Variants in ZNF521 observed in about 807,000 individuals in gnomAD.
ZNF521 encodes LYST-interacting protein 3.
A neutral mutation model predicts 105.5 loss-of-function variants in ZNF521; 14 were observed. That is an observed-to-expected ratio of 0.13 (90% confidence interval 0.09 to 0.21). The LOEUF (loss-of-function observed/expected upper bound fraction) is 0.21. Ranked by LOEUF, ZNF521 falls within the 10% of genes least tolerant of loss-of-function variation. The probability of loss-of-function intolerance (pLI) is 1.00; values close to 1 mark genes in which losing one functional copy is unlikely to be tolerated. For missense variants in ZNF521, 1,233 were observed against 1,629.7 expected (o/e 0.76, Z 4.19); for synonymous variants, 635 against 606.0 (o/e 1.05, Z -0.70).
At chr18:25,296,863 G>A (rs1911346431) in intron 3 of ZNF521, among the ~76,000 whole-genome samples, 1 of 152,032 alleles carries the variant, frequency 6.6e-6, no homozygotes, top group Admixed American at 6.6e-5. Flanking sequence ...TAAGAAACAG[G>A]AAACTTTCCT....
At chr18:25,276,831 G>C (rs1910062104) in intron 3 of ZNF521, among the ~76,000 whole-genome samples, 3 of 152,210 alleles carry the variant, frequency 2.0e-5, no homozygotes, top group Admixed American at 2.0e-4. Context: ...CACAATCTGT[G>C]ATGGTTCATT....
chr18:25,270,759 T>C (rs1909599557), intron 3 of ZNF521, among the ~76,000 whole-genome samples: 1 of 152,008 alleles, frequency 6.6e-6, no homozygotes, highest in Non-Finnish European at 1.5e-5. Context: ...ATAAACTAGG[T>C]ATTGATGGAA....
chr18:25,341,366 G>A (rs1914190929), intron 2 of ZNF521, among the ~76,000 whole-genome samples: 1 of 152,094 alleles, frequency 6.6e-6, no homozygotes, highest in Non-Finnish European at 1.5e-5. Flanking sequence ...TTTTTAATAT[G>A]AACATCATAC....
intron 5 of ZNF521, among the ~76,000 whole-genome samples, chr18:25,156,694 A>C (rs905234232): frequency 1.8e-4 from 28 of 152,302 alleles, no homozygotes; most frequent in African/African-American, 6.7e-4. Context: ...ATATATGGAA[A>C]ATCTATATGT....
At chr18:25,091,686 T>C (rs563995619) in intron 6 of ZNF521, among the ~76,000 whole-genome samples, 2 of 152,290 alleles carry the variant, frequency 1.3e-5, no homozygotes, top group African/African-American at 4.8e-5. Context: ...AACATGTATG[T>C]AGTTTTCCAA....
chr18:25,331,750 T>A (rs1372188942), intron 2 of ZNF521, among the ~76,000 whole-genome samples: 1 of 152,330 alleles, frequency 6.6e-6, no homozygotes, highest in African/African-American at 2.4e-5. Context: ...AGTGTTTTGT[T>A]TGAATCAGGA....
intron 2 of ZNF521, among the ~76,000 whole-genome samples, chr18:25,328,306 G>A (rs1913349460): frequency 6.6e-6 from 1 of 151,880 alleles, no homozygotes; most frequent in Non-Finnish European, 1.5e-5. Context: ...TGTTATCAAG[G>A]AGAACATGCC....
At chr18:25,307,881 G>A (rs1912067298) in intron 3 of ZNF521, among the ~76,000 whole-genome samples, 1 of 152,016 alleles carries the variant, frequency 6.6e-6, no homozygotes, top group Admixed American at 6.6e-5. Context: ...AGGTCTTCAG[G>A]CAGAAGCCAC....
chr18:25,153,014 A>G (rs995080446), intron 5 of ZNF521, among the ~76,000 whole-genome samples: 4 of 152,172 alleles, frequency 2.6e-5, no homozygotes, highest in Admixed American at 6.5e-5. Flanking sequence ...TAAAACATAA[A>G]CCCTGTGATC....
chr18:25,225,078 T>A lies in ZNF521; in HGVS notation c.2840A>T (p.Glu947Val). 1.2e-6 allele frequency: 2 copies of A among 1,614,196 alleles called. No homozygotes were observed. The highest frequency in any genetic ancestry group is 1.7e-6 in the Non-Finnish European group (2 of 1,180,036). ...RTFFSENGLREHMQTHLGPVK... is the reference protein window; with the variant it reads ...RTFFSENGLRVHMQTHLGPVK... ...AGGGCCTAGGTGGGTCTGCATATGT[T>A]CCCGGAGGCCATTTTCGGAGAAGAA... Residue 947 changes from glutamate to valine, a missense_variant, in exon 4 of 8, where the codon GAA (glutamate) becomes GTA (valine). Glu to Val is a moderately radical substitution (Grantham distance 121). Coordinates refer to ENST00000361524, the MANE Select transcript of ZNF521 (RefSeq NM_015461.3). This position sits in a 1 kb window ranked among gnomAD's most constrained non-coding sequence, Gnocchi z 5.6.
chr18:25,097,114 A>C (rs1445371447), intron 5 of ZNF521, among the ~76,000 whole-genome samples: 1 of 152,176 alleles, frequency 6.6e-6, no homozygotes, highest in Non-Finnish European at 1.5e-5. Context: ...AGTAACAAAG[A>C]AAAGCCATAC....
intron 5 of ZNF521, among the ~76,000 whole-genome samples, chr18:25,145,434 G>C (rs2034925141): frequency 1.3e-5 from 2 of 151,948 alleles, no homozygotes; most frequent in East Asian, 3.9e-4. Flanking sequence ...TCTCAACAGT[G>C]GCAAAACCTA....
At chr18:25,100,966 A>G (rs2144256334) in intron 5 of ZNF521, among the ~76,000 whole-genome samples, 1 of 152,338 alleles carries the variant, frequency 6.6e-6, no homozygotes, top group South Asian at 2.1e-4. Context: ...GCCAGAAGGC[A>G]GAGGAGCATT....
At chr18:25,223,625 A>G (rs7244296) in intron 4 of ZNF521, among the ~76,000 whole-genome samples, 151,969 of 152,224 alleles carry the variant, frequency 1, 75,863 homozygotes, top group Middle Eastern at 1. Flanking sequence ...TGATTTCATT[A>G]TAAATGAACT....
At chr18:25,209,751 T>A (rs2036146216) in intron 4 of ZNF521, among the ~76,000 whole-genome samples, 1 of 152,226 alleles carries the variant, frequency 6.6e-6, no homozygotes, top group Non-Finnish European at 1.5e-5. Flanking sequence ...TTTTCCTTTC[T>A]TAACTGTGAT....
rs759921950 is a variant in ZNF521 at position 25,226,108 on chromosome 18, A to C, written c.1810T>G (p.Leu604Val). 9 of 1,614,086 alleles carry C rather than the reference A, an allele frequency of 5.6e-6. No individual in the cohort carries two copies. The Admixed American group carries it at 8.3e-5, about 15-fold the overall frequency. ...ATGGCCACAGGAGATAGGGGGCTTAAGGCCCTGGATTTCTTCCCATTGTGG... is the reference window on the plus strand; with the variant it reads ...ATGGCCACAGGAGATAGGGGGCTTACGGCCCTGGATTTCTTCCCATTGTGG... Reference protein sequence around the residue: ...YIHNGKKSRALSPLSPVAIEQ... With the variant: ...YIHNGKKSRAVSPLSPVAIEQ... The change falls in exon 4 of 8, where the codon TTA becomes GTA. Residue 604 changes from leucine (L) to valine (V), a missense_variant. Leu to Val is a conservative substitution (Grantham distance 32, BLOSUM62 1). This residue lies in a region of ZNF521 where 614 missense variants were observed against 751.5 expected (regional missense o/e 0.82). Transcript: ENST00000361524. The surrounding 1 kb of genome is among the most constrained non-coding windows in gnomAD (Gnocchi z 4.1).
intron 5 of ZNF521, among the ~76,000 whole-genome samples, chr18:25,114,519 A>C (rs958855574): frequency 6.6e-5 from 10 of 152,222 alleles, no homozygotes; most frequent in Non-Finnish European, 7.3e-5. Flanking sequence ...GATGGAGAGA[A>C]TAGCATAGTG....
intron 3 of ZNF521, among the ~76,000 whole-genome samples, chr18:25,317,142 C>T (rs1037457571): frequency 6.6e-6 from 1 of 152,108 alleles, no homozygotes; most frequent in South Asian, 2.1e-4. Flanking sequence ...CAGACATGAG[C>T]CACGACGCCC....
intron 2 of ZNF521, among the ~76,000 whole-genome samples, chr18:25,327,927 G>A (rs1436311199): frequency 2.6e-5 from 4 of 152,160 alleles, no homozygotes; most frequent in African/African-American, 9.6e-5. Flanking sequence ...GAGCATCCCC[G>A]GAACCACATC....
Sources: gnomAD v4.1 joint callset for allele counts (sites outside exome capture counted in the v4.1 genomes callset) on GRCh38, gnomAD v4.1.1 for gene constraint, gnomAD v4.1.1 regional missense constraint, Gnocchi (gnomAD v3.1) non-coding constraint, MANE v1.5 for transcripts, NCBI Gene and HGNC (gene_info 2026-07-23, HGNC 2026-07-21) for gene names.